LYZL4: variants seen among roughly 807,000 people sequenced by gnomAD.
The protein encoded by LYZL4 is lysozyme like 4, also known as lysozyme-like protein 4.
A neutral mutation model predicts 17.6 loss-of-function variants in LYZL4; 13 were observed. That is an observed-to-expected ratio of 0.74 (90% CI 0.48 to 1.18). The LOEUF (loss-of-function observed/expected upper bound fraction) is 1.18. LYZL4 is among the 50% of genes most tolerant of loss of function. LYZL4 has a pLI of 0.00. For synonymous variants in LYZL4, 64 were observed against 67.7 expected (o/e 0.95, Z 0.27); for missense variants, 174 against 188.2 (o/e 0.92, Z 0.44).
chr3:42,403,723 C>T (rs1261561718), intron 4 of LYZL4, among the ~76,000 whole-genome samples: 1 of 152,130 alleles, frequency 6.6e-6, no homozygotes, highest in Admixed American at 6.5e-5. Context: ...TATTCAAAAA[C>T]CTTGTAGGAA....
At chr3:42,394,361 G>T (rs185569793), downstream of LYZL4, among the ~76,000 whole-genome samples, 15 of 152,302 alleles carry the variant, frequency 9.8e-5, no homozygotes, top group Admixed American at 9.8e-4. Flanking sequence ...GGAGCTCTGT[G>T]TGGGGATATA....
chr3:42,388,595 A>G, the LYZL4 span, among the ~76,000 whole-genome samples: 4 of 152,260 alleles, frequency 2.6e-5, no homozygotes, highest in African/African-American at 4.8e-5. Context: ...GATGCTCAGC[A>G]CTAGAGAGGC....
chr3:42,374,923 C>T, the LYZL4 span, among the ~76,000 whole-genome samples: 1 of 152,164 alleles, frequency 6.6e-6, no homozygotes, highest in African/African-American at 2.4e-5. Flanking sequence ...ATCCTCCCAC[C>T]TCAGCTCCCC....
In LYZL4 at chr3:42,407,154, T is replaced by C; in HGVS notation, c.98A>G (p.Asp33Gly). 6.2e-7 allele frequency: 1 copy of C among 1,614,136 alleles called. No individual in the cohort carries two copies. Among genetic ancestry groups the C allele is most frequent in the Non-Finnish European group, 8.5e-7 (1 of 1,180,032 alleles). Residue 33 changes from aspartate to glycine, a missense_variant, in exon 2 of 5, where the codon GAT becomes GGT. By Grantham distance (94) the Asp-to-Gly change is moderately conservative (BLOSUM62 -1). Transcript: ENST00000287748. ...GCCCTCAAAATAATCCAGGCCTCCA[T>C]CGTGGAGTTTCTTAGCCACTGTGCA... ...GRCTVAKKLH[D>G]GGLDYFEGYS...
the LYZL4 span, among the ~76,000 whole-genome samples, chr3:42,370,314 C>T: frequency 1.3e-5 from 2 of 151,974 alleles, no homozygotes; most frequent in Admixed American, 6.5e-5. Flanking sequence ...CTCCCACCTC[C>T]TTATTTTTCC....
chr3:42,378,165 G>A, the LYZL4 span, among the ~76,000 whole-genome samples: 105 of 152,266 alleles, frequency 6.9e-4, no homozygotes, highest in South Asian at 2.5e-3. Context: ...GTCCCAACAG[G>A]AAGTGTTGAG....
intron 3 of LYZL4, among the ~76,000 whole-genome samples, chr3:42,404,405 T>C (rs548971790): frequency 7.9e-5 from 12 of 152,368 alleles, no homozygotes; most frequent in African/African-American, 2.6e-4. Context: ...AGGATCATGA[T>C]CTGTTCTAAC....
At chr3:42,368,808 TA>T in the LYZL4 span, among the ~76,000 whole-genome samples, 5 of 152,208 alleles carry the variant, frequency 3.3e-5, no homozygotes, top group Admixed American at 1.3e-4. Flanking sequence ...TATTATCATT[TA>T]AAAAAATACT....
chr3:42,366,798 A>C, the LYZL4 span, among the ~76,000 whole-genome samples: 7 of 152,344 alleles, frequency 4.6e-5, 1 homozygote, highest in South Asian at 1.2e-3. Flanking sequence ...TGGGTATGCA[A>C]CTGCAAACAC....
downstream of LYZL4, among the ~76,000 whole-genome samples, chr3:42,392,913 A>G (rs572358158): frequency 2.6e-5 from 4 of 152,290 alleles, no homozygotes; most frequent in South Asian, 8.3e-4. Flanking sequence ...AGTGGAGGAC[A>G]AGATCTTTCC....
chr3:42,401,643 AT>A (rs994471051), intron 4 of LYZL4, among the ~76,000 whole-genome samples: 4 of 152,258 alleles, frequency 2.6e-5, no homozygotes, highest in African/African-American at 9.6e-5. Context: ...GTTAAGAGAG[AT>A]TAAAAAAAGA....
chr3:42,389,643 A>G, the LYZL4 span, among the ~76,000 whole-genome samples: 2 of 152,208 alleles, frequency 1.3e-5, no homozygotes, highest in African/African-American at 4.8e-5. Flanking sequence ...GGCTGACTGT[A>G]GGAGACCACA....
chr3:42,404,360 A>G (rs2125602101), intron 3 of LYZL4, among the ~76,000 whole-genome samples: 1 of 152,306 alleles, frequency 6.6e-6, no homozygotes, highest in South Asian at 2.1e-4. Context: ...CCATTAAAAT[A>G]TATTGATTAG....
downstream of LYZL4, among the ~76,000 whole-genome samples, chr3:42,392,362 C>T (rs1698491808): frequency 6.6e-6 from 1 of 152,092 alleles, no homozygotes. Context: ...GAAGCAGCAG[C>T]AGCAGCTAAA....
chr3:42,397,376 A>G lies in LYZL4; in HGVS notation c.372-42T>C, dbSNP rs1431076786. The G allele has an allele frequency of 2.1e-6, 3 of 1,398,858 alleles. No homozygotes were observed. In the Admixed American group the frequency reaches 5.9e-5, roughly 27 times the overall value. 86.7% of individuals were successfully genotyped at this position (1,398,858 alleles called of 1,614,324 possible). A position where few individuals can be genotyped will look rare whatever the true frequency, so the allele number is the denominator to read the frequency against. Reference sequence around the variant, plus strand: ...ACAGGAAGGGCTCCTCAAAGTCAGAACTCAGGGTCTCCAGGGCTTCACAGC... The same window carrying G: ...ACAGGAAGGGCTCCTCAAAGTCAGAGCTCAGGGTCTCCAGGGCTTCACAGC... On this transcript the variant is annotated intron_variant, in intron 4 of 4. Coordinates refer to ENST00000287748, the MANE Select transcript of LYZL4 (RefSeq NM_144634.4).
the LYZL4 span, among the ~76,000 whole-genome samples, chr3:42,365,691 G>C: frequency 6.6e-6 from 1 of 152,142 alleles, no homozygotes; most frequent in Non-Finnish European, 1.5e-5. Context: ...GCCACGACAC[G>C]GTGTGGATAT....
At chr3:42,386,249 C>A in the LYZL4 span, among the ~76,000 whole-genome samples, 1 of 152,038 alleles carries the variant, frequency 6.6e-6, no homozygotes, top group Admixed American at 6.6e-5. Context: ...ATTACAGGCA[C>A]CTGCCACCAC....
chr3:42,373,106 G>A, the LYZL4 span, among the ~76,000 whole-genome samples: 1 of 152,204 alleles, frequency 6.6e-6, no homozygotes, highest in Non-Finnish European at 1.5e-5. Context: ...AGCTACTCGG[G>A]AGGCTGAGGT....
chr3:42,370,060 C>A, the LYZL4 span, among the ~76,000 whole-genome samples: 1 of 152,234 alleles, frequency 6.6e-6, no homozygotes, highest in African/African-American at 2.4e-5. Flanking sequence ...CGCTGTGAAG[C>A]TGGGGGATAA....
Sources: gnomAD v4.1 joint callset for allele counts (sites outside exome capture counted in the v4.1 genomes callset) on GRCh38, gnomAD v4.1.1 for gene constraint, MANE v1.5 for transcripts, NCBI Gene and HGNC (gene_info 2026-07-23, HGNC 2026-07-21) for gene names.